GRIK2: variants seen among roughly 807,000 people sequenced by gnomAD.
The protein encoded by GRIK2 is glutamate ionotropic receptor kainate type subunit 2, also known as glutamate receptor ionotropic, kainate 2.
Under a neutral mutation model 100.3 loss-of-function variants are expected in GRIK2, and 32 were observed. The ratio of observed to expected loss-of-function variants is 0.32; its 90% CI spans 0.24 to 0.43. GRIK2 has a LOEUF of 0.43. Ranked by LOEUF, GRIK2 falls within the 20% of genes least tolerant of loss-of-function variation. GRIK2 has a pLI of 1.00. For synonymous variants in GRIK2, 417 were observed against 389.4 expected (o/e 1.07, Z -0.83); for missense variants, 843 against 1,114.9 (o/e 0.76, Z 3.47).
chr6:101,476,153 G>A (rs1662219401), intron 2 of GRIK2, among the ~76,000 whole-genome samples: 1 of 152,000 alleles, frequency 6.6e-6, no homozygotes, highest in South Asian at 2.1e-4. Context: ...AATACCATAT[G>A]ATGAATTTAG....
chr6:102,062,415 T>C (rs1001825522), intron 16 of GRIK2, among the ~76,000 whole-genome samples: 1 of 150,392 alleles, frequency 6.6e-6, no homozygotes, highest in Non-Finnish European at 1.5e-5. Context: ...TAGATGGAAG[T>C]TAAGATAATA....
chr6:101,630,845 T>G (rs1176689530), intron 4 of GRIK2, among the ~76,000 whole-genome samples: 2 of 151,878 alleles, frequency 1.3e-5, no homozygotes, highest in Admixed American at 1.3e-4. Context: ...AACACACATG[T>G]GCTTTTTTTT....
chr6:101,918,185 G>GTAA (rs3054400), intron 12 of GRIK2, among the ~76,000 whole-genome samples: 141,413 of 151,070 alleles, frequency 0.94, 66,232 homozygotes, highest in Middle Eastern at 0.96. Flanking sequence ...GGATTGTTAT[G>GTAA]TAATAATGAT....
At chr6:101,919,064 T>G (rs1789324921) in intron 12 of GRIK2, among the ~76,000 whole-genome samples, 1 of 151,752 alleles carries the variant, frequency 6.6e-6, no homozygotes, top group Non-Finnish European at 1.5e-5. Flanking sequence ...TGGGCCAGTC[T>G]ACATAATAGT....
intron 12 of GRIK2, among the ~76,000 whole-genome samples, chr6:101,913,666 T>A (rs2791776): frequency 0.85 from 128,556 of 151,214 alleles, 54,777 homozygotes; most frequent in East Asian, 0.94. Context: ...TATCATCCAA[T>A]AAGTGAATTA....
intron 7 of GRIK2, among the ~76,000 whole-genome samples, chr6:101,690,226 T>G (rs747904193): frequency 2.6e-5 from 4 of 152,072 alleles, no homozygotes; most frequent in Non-Finnish European, 5.9e-5. Context: ...TATCAGTATT[T>G]TTTTTCTTGT....
At position 101,947,919 on chromosome 6, in the gene GRIK2, G is replaced by A. The variant is rs370008977; in HGVS notation, c.2085+19287G>A. ...GTTGTTTTTATTAATAATTATTTCAGGTAATACCTGATTAGGTCTAATGAG... is the reference window on the plus strand; with the variant it reads ...GTTGTTTTTATTAATAATTATTTCAAGTAATACCTGATTAGGTCTAATGAG... On this transcript the variant is annotated intron_variant, in intron 14 of 16. Transcript: ENST00000369134. Among the ~76,000 whole-genome samples the A allele has an allele frequency of 4.1e-4, 62 of 152,154 alleles. 2 individuals carry two copies. The highest frequency in any genetic ancestry group is 1.4e-3 in the African/African-American group (60 of 41,522).
chr6:101,770,463 T>C (rs1778330530), intron 7 of GRIK2, among the ~76,000 whole-genome samples: 2 of 151,802 alleles, frequency 1.3e-5, no homozygotes, highest in South Asian at 4.1e-4. Flanking sequence ...TGGCATACGA[T>C]TCAGTGCAAA....
At chr6:101,780,916 T>C (rs1191464183) in intron 7 of GRIK2, among the ~76,000 whole-genome samples, 1 of 152,184 alleles carries the variant, frequency 6.6e-6, no homozygotes, top group East Asian at 1.9e-4. Context: ...AGTGTTATAT[T>C]GCTAGGGGTT....
chr6:101,572,507 G>A (rs955078187), intron 2 of GRIK2, among the ~76,000 whole-genome samples: 2 of 152,016 alleles, frequency 1.3e-5, no homozygotes, highest in Non-Finnish European at 2.9e-5. Flanking sequence ...TAAAAAGAGG[G>A]GAACAAATAA....
chr6:101,998,899 C>T (rs1213972552), intron 14 of GRIK2, among the ~76,000 whole-genome samples: 1 of 149,308 alleles, frequency 6.7e-6, no homozygotes, highest in Non-Finnish European at 1.5e-5. Context: ...CTGCAACCTC[C>T]GCCTCCTTGG....
chr6:101,688,586 C>G (rs1318529379), intron 7 of GRIK2, among the ~76,000 whole-genome samples: 1 of 151,874 alleles, frequency 6.6e-6, no homozygotes, highest in Non-Finnish European at 1.5e-5. Flanking sequence ...TAGCACGAGT[C>G]TATTCCTCTT....
intron 4 of GRIK2, among the ~76,000 whole-genome samples, chr6:101,662,247 G>A (rs1433145315): frequency 6.6e-6 from 1 of 152,214 alleles, no homozygotes; most frequent in East Asian, 1.9e-4. Flanking sequence ...TGTGTGAACT[G>A]TGAAGCAGAG....
intron 10 of GRIK2, 89 bp downstream of exon 10, chr6:101,818,572 A>G (rs1781772713): frequency 2.8e-6 from 2 of 708,112 alleles, no homozygotes. Flanking sequence ...AACAGCAATG[A>G]ACAGAATGTA....
chr6:101,849,902 T>C (rs1378457129), intron 10 of GRIK2, among the ~76,000 whole-genome samples: 1 of 136,338 alleles, frequency 7.3e-6, no homozygotes, highest in East Asian at 2.2e-4. Flanking sequence ...TCTAAATGCA[T>C]TGATATCTTT....
intron 12 of GRIK2, among the ~76,000 whole-genome samples, chr6:101,909,378 T>TTTTTGTTG (rs774868812): frequency 4.3e-4 from 52 of 120,394 alleles, no homozygotes; most frequent in African/African-American, 1.4e-3. Flanking sequence ...AGGGTTTTCT[T>TTTTTGTTG]TTTCTTTTTT....
At chr6:101,817,269 T>G (rs1405214655) in intron 9 of GRIK2, among the ~76,000 whole-genome samples, 1 of 152,204 alleles carries the variant, frequency 6.6e-6, no homozygotes, top group Non-Finnish European at 1.5e-5. Flanking sequence ...AAAGAGATTA[T>G]GCTGATGGGA....
At chr6:101,883,032 T>A (rs1268857618) in intron 11 of GRIK2, among the ~76,000 whole-genome samples, 1 of 151,896 alleles carries the variant, frequency 6.6e-6, no homozygotes, top group Non-Finnish European at 1.5e-5. Context: ...TTTATCCTTT[T>A]ATATGATCCC....
At chr6:101,671,637 G>A (rs986557007) in intron 4 of GRIK2, among the ~76,000 whole-genome samples, 8 of 152,094 alleles carry the variant, frequency 5.3e-5, no homozygotes, top group Non-Finnish European at 1.2e-4. Context: ...AGGCCAAGGC[G>A]GGTGGATCGT....
Sources: gnomAD v4.1 joint callset for allele counts (sites outside exome capture counted in the v4.1 genomes callset) on GRCh38, gnomAD v4.1.1 for gene constraint, MANE v1.5 for transcripts, NCBI Gene and HGNC (gene_info 2026-07-23, HGNC 2026-07-21) for gene names.